PDGFC: variants seen among roughly 807,000 people sequenced by gnomAD.
PDGFC encodes platelet-derived growth factor C.
A neutral mutation model predicts 35.5 loss-of-function variants in PDGFC; 12 were observed. The observed-to-expected ratio is 0.34, with a 90% CI of 0.22 to 0.55. The LOEUF (loss-of-function observed/expected upper bound fraction) is 0.55, where lower values mean the gene tolerates loss of function less well. Ranked by LOEUF, PDGFC falls within the 20% of genes least tolerant of loss-of-function variation. The probability of loss-of-function intolerance (pLI) is 0.91; values close to 1 mark genes in which losing one functional copy is unlikely to be tolerated. For synonymous variants in PDGFC, 159 were observed against 148.8 expected (o/e 1.07, Z -0.50); for missense variants, 322 against 412.4 (o/e 0.78, Z 1.90).
chr4:156,834,897 G>T (rs1468172291), intron 2 of PDGFC, among the ~76,000 whole-genome samples: 1 of 151,544 alleles, frequency 6.6e-6, no homozygotes, highest in Admixed American at 6.6e-5. Context: ...TCATGGTCTT[G>T]AGTCATATAG....
intron 3 of PDGFC, among the ~76,000 whole-genome samples, chr4:156,809,460 A>G (rs1731869034): frequency 6.6e-6 from 1 of 151,984 alleles, no homozygotes; most frequent in African/African-American, 2.4e-5. Flanking sequence ...ACTTTCACAC[A>G]TATACAGTGA....
chr4:156,864,674 CA>C (rs1472464430), intron 1 of PDGFC, among the ~76,000 whole-genome samples: 2 of 151,882 alleles, frequency 1.3e-5, no homozygotes, highest in African/African-American at 4.8e-5. Flanking sequence ...TACGGCAGTA[CA>C]ATATAGTAGC....
At chr4:156,825,442 G>A (rs1732418066) in intron 2 of PDGFC, among the ~76,000 whole-genome samples, 1 of 150,538 alleles carries the variant, frequency 6.6e-6, no homozygotes, top group East Asian at 2.0e-4. Context: ...ACCAGCTACT[G>A]GGGAGGCTGA....
intron 5 of PDGFC, among the ~76,000 whole-genome samples, chr4:156,766,262 A>T (rs928268394): frequency 1.3e-5 from 2 of 152,132 alleles, no homozygotes. Context: ...AAGATACAAC[A>T]TCTAAGTTTA....
At chr4:156,919,410 A>G (rs2110834482) in intron 1 of PDGFC, among the ~76,000 whole-genome samples, 1 of 152,292 alleles carries the variant, frequency 6.6e-6, no homozygotes, top group East Asian at 1.9e-4. Flanking sequence ...TGATACTCCC[A>G]ACTGAAGAGG....
chr4:156,820,415 A>G (rs1239744753), intron 2 of PDGFC, among the ~76,000 whole-genome samples: 1 of 152,222 alleles, frequency 6.6e-6, no homozygotes, highest in Admixed American at 6.5e-5. Context: ...AATAAGCACC[A>G]CCATGATCAG....
chr4:156,834,902 A>C (rs2111034575), intron 2 of PDGFC, among the ~76,000 whole-genome samples: 1 of 152,120 alleles, frequency 6.6e-6, no homozygotes, highest in African/African-American at 2.4e-5. Flanking sequence ...GTCTTGAGTC[A>C]TATAGTTAGT....
chr4:156,794,538 G>A (rs561942987), intron 3 of PDGFC, among the ~76,000 whole-genome samples: 1 of 151,728 alleles, frequency 6.6e-6, no homozygotes, highest in South Asian at 2.1e-4. Flanking sequence ...AGGGAGGAAG[G>A]AAGACAGGAA....
intron 2 of PDGFC, among the ~76,000 whole-genome samples, chr4:156,832,342 C>T (rs748697114): frequency 1.9e-4 from 28 of 151,248 alleles, no homozygotes; most frequent in Admixed American, 3.3e-4. Flanking sequence ...CCACAATCTC[C>T]GCCTCTCGGG....
chr4:156,764,343 G>A (rs913989523), intron 5 of PDGFC, among the ~76,000 whole-genome samples: 1 of 152,122 alleles, frequency 6.6e-6, no homozygotes, highest in Admixed American at 6.5e-5. Context: ...AATGCTTACT[G>A]GGTGCCAGGC....
At chr4:156,931,934 A>T (rs974608269) in intron 1 of PDGFC, among the ~76,000 whole-genome samples, 3 of 152,162 alleles carry the variant, frequency 2.0e-5, no homozygotes, top group African/African-American at 7.2e-5. Context: ...CTCATAAGAA[A>T]TATATTACAG....
chr4:156,850,011 T>C (rs997525145), intron 2 of PDGFC, among the ~76,000 whole-genome samples: 8 of 152,076 alleles, frequency 5.3e-5, no homozygotes, highest in African/African-American at 1.9e-4. Context: ...TAGAAGTAGG[T>C]AGAAAACAAT....
rs1317954383 is a variant in PDGFC at position 156,761,597 on chromosome 4, A to G, written c.*1493T>C. On this transcript the variant is annotated 3_prime_UTR_variant, in exon 6 of 6. Transcript: ENST00000502773. ...CTCAGAGTCCAAGAAATAAATCTTG[A>G]GCACACACACACATAATTTTCTCCC... 6.6e-6 allele frequency: 1 copy of G among 152,530 alleles called. No individual in the cohort carries two copies. Among genetic ancestry groups the G allele is most frequent in the Non-Finnish European group, 1.5e-5 (1 of 68,044 alleles). 9.4% of individuals were successfully genotyped at this position (152,530 alleles called of 1,614,324 possible).
At chr4:156,796,635 C>T (rs1731450122) in intron 3 of PDGFC, among the ~76,000 whole-genome samples, 1 of 151,300 alleles carries the variant, frequency 6.6e-6, no homozygotes, top group Admixed American at 6.6e-5. Context: ...ATAATTTTTC[C>T]CATTTATTTT....
chr4:156,794,066 T>C (rs1245514858), intron 3 of PDGFC, among the ~76,000 whole-genome samples: 2 of 152,176 alleles, frequency 1.3e-5, no homozygotes, highest in Non-Finnish European at 2.9e-5. Flanking sequence ...AACATTGTCC[T>C]ATTCCAGCAC....
At chr4:156,860,086 CAT>C (rs1427595822) in intron 1 of PDGFC, among the ~76,000 whole-genome samples, 2 of 152,160 alleles carry the variant, frequency 1.3e-5, no homozygotes, top group African/African-American at 4.8e-5. Context: ...TTTGAGAAGA[CAT>C]ATGCTTTTAT....
rs1310337078 is a variant in PDGFC at position 156,971,229 on chromosome 4, G to A, written c.-326C>T. ...GAGGAATGAGGGGGTGGGGACGCGG[G>A]GGAGCGGCGAGAAGTCCCCAGCAAG... On this transcript the variant is annotated 5_prime_UTR_variant, in exon 1 of 6. Transcript: ENST00000502773. The A allele has an allele frequency of 7.0e-6, 3 of 428,010 alleles. No homozygotes were observed. The highest frequency in any genetic ancestry group is 2.0e-5 in the African/African-American group (1 of 50,316). 26.5% of individuals were successfully genotyped at this position (428,010 alleles called of 1,614,324 possible). A position where few individuals can be genotyped will look rare whatever the true frequency, so the allele number is the denominator to read the frequency against.
intron 1 of PDGFC, among the ~76,000 whole-genome samples, chr4:156,942,367 T>C (rs190509940): frequency 6.6e-6 from 1 of 152,176 alleles, no homozygotes; most frequent in Admixed American, 6.6e-5. Flanking sequence ...CTACAAAGCA[T>C]AGAATCACTA....
Position 156,971,100 on chromosome 4 carries a change from T to A in PDGFC, c.-197A>T. On this transcript the variant is annotated 5_prime_UTR_variant, in exon 1 of 6. Transcript: ENST00000502773. ...CTAGAGCCCTCTTCTGTGTCTCCAG[T>A]TTTTGAAAAGGATCAAAGCAAAACC... is the stretch of plus-strand genomic sequence containing the variant. 1 of 553,458 alleles carries A rather than the reference T, an allele frequency of 1.8e-6. No individual in the cohort carries two copies. Among genetic ancestry groups the A allele is most frequent in the Non-Finnish European group, 3.2e-6 (1 of 309,656 alleles). The allele number at this position is 553,458 out of a possible 1,614,324, so 34.3% of individuals were successfully genotyped here.
Sources: gnomAD v4.1 joint callset for allele counts (sites outside exome capture counted in the v4.1 genomes callset) on GRCh38, gnomAD v4.1.1 for gene constraint, MANE v1.5 for transcripts, NCBI Gene and HGNC (gene_info 2026-07-23, HGNC 2026-07-21) for gene names.